Variants in SLC20A2 observed in about 807,000 individuals in gnomAD.
SLC20A2 encodes the protein sodium-dependent phosphate transporter 2.
In SLC20A2, 30 loss-of-function variants were observed where a neutral mutation model predicts 61.0. The ratio of observed to expected loss-of-function variants is 0.49; its 90% CI spans 0.37 to 0.67. SLC20A2 has a LOEUF of 0.67. Ranked by LOEUF, SLC20A2 falls within the 30% of genes least tolerant of loss-of-function variation. The pLI is 0.00. For missense variants in SLC20A2, 626 were observed against 866.4 expected, an observed-to-expected ratio of 0.72 and a Z score of 3.48; for synonymous variants, 351 against 353.3, an observed-to-expected ratio of 0.99 and a Z score of 0.07.
intron 1 of SLC20A2, among the ~76,000 whole-genome samples, chr8:42,485,909 G>T (rs1271650777): frequency 6.7e-6 from 1 of 149,264 alleles, no homozygotes; most frequent in Non-Finnish European, 1.5e-5. Flanking sequence ...TTGCGCTGCT[G>T]CACTCCACCC....
In SLC20A2 at chr8:42,426,193, T is replaced by C. The variant is rs182344130; in HGVS notation, c.1794+2565A>G. Among the ~76,000 whole-genome samples the C allele has an allele frequency of 3.8e-4, 58 of 152,314 alleles. No individual in the cohort carries two copies. In the East Asian group the frequency reaches 0.01, roughly 26 times the overall value. The stretch of plus-strand genomic sequence containing the variant: ...TACAGTATTGGGGAAATCATGCATA[T>C]AGATAATTCAAGAGTTTGGCTTTTT... On this transcript the variant is annotated intron_variant, in intron 10 of 10. Transcript: ENST00000520262.
intron 10 of SLC20A2, 92 bp from the exon 11 acceptor site, chr8:42,418,059 A>C: frequency 9.9e-7 from 1 of 1,007,426 alleles, no homozygotes; most frequent in South Asian, 1.4e-5. Context: ...AACAAGCTCT[A>C]GTACAACATT....
chr8:42,471,876 C>G (rs1351925518), intron 2 of SLC20A2, among the ~76,000 whole-genome samples: 1 of 152,174 alleles, frequency 6.6e-6, no homozygotes, highest in Non-Finnish European at 1.5e-5. Flanking sequence ...ATTTTAGCAA[C>G]CAAGTTTGCT....
intron 5 of SLC20A2, among the ~76,000 whole-genome samples, chr8:42,449,960 C>T (rs182368568): frequency 6.6e-6 from 1 of 152,270 alleles, no homozygotes; most frequent in Non-Finnish European, 1.5e-5. Context: ...TCATAGTAAA[C>T]ATTCACACTT....
chr8:42,523,839 T>G (rs1405425215), intron 1 of SLC20A2, among the ~76,000 whole-genome samples: 2 of 152,156 alleles, frequency 1.3e-5, no homozygotes, highest in African/African-American at 4.8e-5. Flanking sequence ...ACCACCACAT[T>G]CCCATCCGTG....
chr8:42,500,181 G>C (rs1213798867), intron 1 of SLC20A2, among the ~76,000 whole-genome samples: 3 of 152,212 alleles, frequency 2.0e-5, no homozygotes, highest in African/African-American at 4.8e-5. Flanking sequence ...TCCTAAAGCT[G>C]ATACATTTAC....
rs762584113 is a variant in SLC20A2, at chr8:42,437,305, G to C, written c.1207C>G (p.Arg403Gly). 1 of 1,614,212 alleles carries C rather than the reference G, an allele frequency of 6.2e-7. No homozygotes were observed. The highest frequency in any genetic ancestry group is 8.5e-7 in the Non-Finnish European group (1 of 1,180,044). ...ICGLPVHATF[R>G]AADSSAPEDS... ...TCTGGGGCCGATGAGTCCGCAGCTC[G>C]AAAGGTGGCGTGCACTGGCAGCCCA... is the stretch of plus-strand genomic sequence containing the variant. The change falls in exon 8 of 11, where the codon CGA becomes GGA. Residue 403 changes from arginine (R) to glycine (G), a missense_variant. This residue lies in a region of SLC20A2 where 361 missense variants were observed against 422.3 expected (regional missense o/e 0.85). Coordinates refer to ENST00000520262, the MANE Select transcript of SLC20A2 (RefSeq NM_001257180.2). The surrounding 1 kb of genome is among the most constrained non-coding windows in gnomAD (Gnocchi z 6.4).
intron 6 of SLC20A2, among the ~76,000 whole-genome samples, chr8:42,440,989 C>CG (rs1388527231): frequency 6.6e-6 from 1 of 151,732 alleles, no homozygotes; most frequent in Non-Finnish European, 1.5e-5. Flanking sequence ...TTAGCTGAGA[C>CG]GGGGTTTCAC....
intron 1 of SLC20A2, among the ~76,000 whole-genome samples, chr8:42,532,912 C>T (rs1191092821): frequency 6.6e-6 from 1 of 152,036 alleles, no homozygotes; most frequent in Non-Finnish European, 1.5e-5. Flanking sequence ...CCCAAGTCCA[C>T]AGAGGACGGA....
At chr8:42,491,402 G>T (rs770100432) in intron 1 of SLC20A2, among the ~76,000 whole-genome samples, 1 of 152,122 alleles carries the variant, frequency 6.6e-6, no homozygotes, top group Non-Finnish European at 1.5e-5. Context: ...CTACTCAAGA[G>T]GCTAAGGCAG....
At chr8:42,514,750 T>G (rs1254192245) in intron 1 of SLC20A2, among the ~76,000 whole-genome samples, 1 of 148,034 alleles carries the variant, frequency 6.8e-6, no homozygotes, top group Admixed American at 6.8e-5. Flanking sequence ...GGAGTAATAC[T>G]CTGTTTGAAA....
chr8:42,435,376 T>G (rs1292284036), intron 8 of SLC20A2, among the ~76,000 whole-genome samples: 1 of 152,138 alleles, frequency 6.6e-6, no homozygotes, highest in African/African-American at 2.4e-5. Flanking sequence ...ATGACCGTGA[T>G]GGCAAGAGCA....
At chr8:42,491,167 A>T (rs1354718312) in intron 1 of SLC20A2, among the ~76,000 whole-genome samples, 1 of 152,216 alleles carries the variant, frequency 6.6e-6, no homozygotes, top group Non-Finnish European at 1.5e-5. Context: ...TGGGAGGCCG[A>T]GGCAGGCAGA....
Position 42,462,968 on chromosome 8 carries a change from T to C in SLC20A2, c.516+37A>G, listed in dbSNP as rs561592071. The stretch of plus-strand genomic sequence containing the variant: ...TTCTACTGAGTAGAGCCAAAAATAG[T>C]TCTTAAGATTTAATTAAAAGTAGCA... On this transcript the variant is annotated intron_variant, in intron 4 of 10. Transcript: ENST00000520262. 1.2e-5 allele frequency: 16 copies of C among 1,307,780 alleles called. No homozygotes were observed. In the African/African-American group the frequency reaches 2.4e-4, roughly 20 times the overall value. The allele number at this position is 1,307,780 out of a possible 1,614,324, so 81.0% of individuals were successfully genotyped here.
intron 7 of SLC20A2, among the ~76,000 whole-genome samples, chr8:42,438,231 C>T (rs770206961): frequency 2.6e-5 from 4 of 152,106 alleles, no homozygotes; most frequent in Non-Finnish European, 5.9e-5. Context: ...CAAGGAGAAT[C>T]TTTTTAAGAA....
Position 42,437,210 on chromosome 8 carries a change from C to A in SLC20A2, c.1302G>T (p.Ser434=). 2 of 1,613,672 alleles carry A rather than the reference C, an allele frequency of 1.2e-6. No homozygotes were observed. The highest frequency in any genetic ancestry group is 1.7e-6 in the Non-Finnish European group (2 of 1,180,026). ...SKKRLRYDSY[S]SYCNAVAEAE... is the part of the protein sequence containing the mutation. ...CCTCTGCCACCGCGTTACAGTAGCT[C>A]GAGTAGCTGTCGTAGCGCAGCCTCT... is the stretch of plus-strand genomic sequence containing the variant. The change falls in exon 8 of 11, where the codon TCG becomes TCT. Residue 434 remains serine (S), a synonymous_variant. Coordinates refer to ENST00000520262, the MANE Select transcript of SLC20A2 (RefSeq NM_001257180.2). This position sits in a 1 kb window ranked among gnomAD's most constrained non-coding sequence, Gnocchi z 6.4.
chr8:42,491,938 G>C (rs1357932778), intron 1 of SLC20A2, among the ~76,000 whole-genome samples: 1 of 152,146 alleles, frequency 6.6e-6, no homozygotes, highest in East Asian at 1.9e-4. Context: ...TTGGCAGCCA[G>C]GACATGCTGA....
At chr8:42,534,325 C>T (rs565923332) in intron 1 of SLC20A2, among the ~76,000 whole-genome samples, 27 of 151,934 alleles carry the variant, frequency 1.8e-4, no homozygotes, top group African/African-American at 4.4e-4. Flanking sequence ...ACACTGACAT[C>T]GATATTGCTA....
rs1402465475 is a variant in SLC20A2 at position 42,487,181 on chromosome 8, T to C, written c.-265+13850A>G. Among the ~76,000 whole-genome samples the C allele has an allele frequency of 7.7e-4, 108 of 140,298 alleles. No individual in the cohort carries two copies. The South Asian group carries it at 0.015, about 19-fold the overall frequency. 92.0% of individuals were successfully genotyped at this position (140,298 alleles called of 152,430 possible). A position where few individuals can be genotyped will look rare whatever the true frequency, so the allele number is the denominator to read the frequency against. On this transcript the variant is annotated intron_variant, in intron 1 of 10. Coordinates refer to ENST00000520262, the MANE Select transcript of SLC20A2 (RefSeq NM_001257180.2). ...TGCTTGGCCATGGTTTCTTTCTTTT[T>C]TTTTTTTTTTTTTTGAGACAGAGTT...
Sources: gnomAD v4.1 joint callset for allele counts (sites outside exome capture counted in the v4.1 genomes callset) on GRCh38, gnomAD v4.1.1 for gene constraint, gnomAD v4.1.1 regional missense constraint, Gnocchi (gnomAD v3.1) non-coding constraint, MANE v1.5 for transcripts, NCBI Gene and HGNC (gene_info 2026-07-23, HGNC 2026-07-21) for gene names.